ABCC8: variants seen among roughly 807,000 people sequenced by gnomAD.
ABCC8 encodes ATP binding cassette subfamily C member 8.
ABCC8 carries 137 observed loss-of-function variants against 188.0 expected under a neutral mutation model. The observed-to-expected ratio is 0.73, with a 90% confidence interval of 0.63 to 0.84. ABCC8 has a LOEUF of 0.84. ABCC8 is among the 40% of genes least tolerant of loss of function. ABCC8 has a pLI of 0.00. For missense variants in ABCC8, 1,750 were observed against 2,072.7 expected (o/e 0.84, Z 3.02); for synonymous variants, 797 against 846.5 (o/e 0.94, Z 1.01).
chr11:17,413,305 C>T lies in ABCC8; in HGVS notation c.2475+89G>A. On this transcript the variant is annotated intron_variant, in intron 20 of 38. Transcript: ENST00000389817. ...TTCAGCCTTCAATGTCTCCTATTTC[C>T]TAGTTACCCATTGTCCTGAGTAGTG... 3 of 1,555,662 alleles carry T rather than the reference C, an allele frequency of 1.9e-6. No individual in the cohort carries two copies. In the South Asian group the frequency reaches 3.3e-5, roughly 17 times the overall value.
chr11:17,392,565 A>G (rs1443661757), downstream of ABCC8: 2 of 318,216 alleles, frequency 6.3e-6, no homozygotes, highest in African/African-American at 2.2e-5. Flanking sequence ...ATGCATGTGC[A>G]CAGAGTAAAG....
rs756601311 is a variant in ABCC8 at position 17,404,542 on chromosome 11, A to T, written c.3527T>A (p.Phe1176Tyr). ...CGCCACCCGGAAGTACTTCTGGATGAAGTAGCACACGATGGCCAGGGGCAA... is the reference window on the plus strand; with the variant it reads ...CGCCACCCGGAAGTACTTCTGGATGTAGTAGCACACGATGGCCAGGGGCAA... The part of the protein sequence containing the change: ...ALLPLAIVCY[F>Y]IQKYFRVASR... The change falls in exon 28 of 39, where the codon TTC becomes TAC. Residue 1176 changes from phenylalanine (F) to tyrosine (Y), a missense_variant. Transcript: ENST00000389817. The surrounding 1 kb of genome is among the most constrained non-coding windows in gnomAD (Gnocchi z 4.7). The T allele has an allele frequency of 1.9e-6, 3 of 1,614,002 alleles. No homozygotes were observed. Among genetic ancestry groups the T allele is most frequent in the Admixed American group, 1.7e-5 (1 of 59,992 alleles).
chr11:17,399,967 G>A (rs1954152300), intron 29 of ABCC8, among the ~76,000 whole-genome samples: 1 of 152,194 alleles, frequency 6.6e-6, no homozygotes, highest in Admixed American at 6.5e-5. Context: ...CCTTGCTGAC[G>A]TAGGCCCGGC....
At chr11:17,434,981 T>TTG (rs1956012219) in intron 10 of ABCC8, among the ~76,000 whole-genome samples, 1 of 127,774 alleles carries the variant, frequency 7.8e-6, no homozygotes, top group Admixed American at 7.8e-5. Context: ...CTGCGTGTGT[T>TTG]CGCGTGTGTG....
chr11:17,394,184 G>A, intron 37 of ABCC8, 82 bp downstream of exon 37: 1 of 1,539,008 alleles, frequency 6.5e-7, no homozygotes, highest in South Asian at 1.1e-5. Context: ...TGAGCCTCAG[G>A]ACTACTTCGT....
Position 17,460,668 on chromosome 11 carries a change from G to A in ABCC8, c.831C>T (p.Asp277=), listed in dbSNP as rs1353204592. 1 of 1,608,626 alleles carries A rather than the reference G, an allele frequency of 6.2e-7. No individual in the cohort carries two copies. The highest frequency in any genetic ancestry group is 8.5e-7 in the Non-Finnish European group (1 of 1,180,000). The change falls in exon 6 of 39, where the codon GAC becomes GAT. Residue 277 remains aspartate, a synonymous_variant. Transcript: ENST00000389817. ...CEAFDAQVRK[D]IQGTQGARAI... is the part of the protein sequence containing the mutation. ...CCCGGGCACCTTGAGTGCCCTGAAT[G>A]TCCTTCCGCTGCCCAGAGAGACCAT...
At chr11:17,452,767 C>A (rs983606859) in intron 7 of ABCC8, among the ~76,000 whole-genome samples, 11 of 152,204 alleles carry the variant, frequency 7.2e-5, no homozygotes, top group African/African-American at 2.7e-4. Context: ...TCTGGAACAG[C>A]CACTTAGAGA....
intron 29 of ABCC8, chr11:17,398,861 A>G (rs776905943): frequency 1.8e-4 from 51 of 278,592 alleles, no homozygotes; most frequent in Non-Finnish European, 3.1e-4. Flanking sequence ...GGACTACTGC[A>G]TCAGCTTCCT....
At chr11:17,448,325 A>G in intron 8 of ABCC8, 191 bp downstream of exon 8, 1 of 624,194 alleles carries the variant, frequency 1.6e-6, no homozygotes, top group Non-Finnish European at 2.9e-6. Context: ...TCATTAAGAG[A>G]GATGGTCAGT....
chr11:17,405,210 T>C (rs1954456667), intron 27 of ABCC8, among the ~76,000 whole-genome samples: 1 of 152,250 alleles, frequency 6.6e-6, no homozygotes, highest in Non-Finnish European at 1.5e-5. Flanking sequence ...ATATTCTCCA[T>C]ACAATCAGCC....
chr11:17,423,085 G>T (rs1033223215), intron 16 of ABCC8, among the ~76,000 whole-genome samples: 2 of 152,038 alleles, frequency 1.3e-5, no homozygotes, highest in African/African-American at 4.8e-5. Context: ...CCGGCCAGGG[G>T]TGGTGGCTCA....
At chr11:17,430,690 C>A (rs1955805389) in intron 12 of ABCC8, 124 bp downstream of exon 12, 2 of 1,165,982 alleles carry the variant, frequency 1.7e-6, no homozygotes, top group South Asian at 1.2e-5. Context: ...CCAGCTACAG[C>A]AAGGCCCAGC....
In ABCC8 at chr11:17,415,328, T is replaced by C. The variant is rs766784319; in HGVS notation, c.2267A>G (p.Glu756Gly). 1 of 1,610,762 alleles carries C rather than the reference T, an allele frequency of 6.2e-7. No individual in the cohort carries two copies. Among genetic ancestry groups the C allele is most frequent in the Non-Finnish European group, 8.5e-7 (1 of 1,179,086 alleles). Residue 756 changes from glutamate (E) to glycine (G), a missense_variant, in exon 18 of 39, where the codon GAG (glutamate) becomes GGG (glycine). Transcript: ENST00000389817. ...EIGEDPSPER[E>G]TATDLDIRKR... ...CCTGATATCCAAGTCGGTCGCTGTC[T>C]CCCGCTCTGGGCTGCAGCAGGGGAG...
intron 16 of ABCC8, among the ~76,000 whole-genome samples, chr11:17,420,467 C>A (rs536225705): frequency 7.6e-4 from 116 of 152,310 alleles, no homozygotes; most frequent in African/African-American, 2.8e-3. Flanking sequence ...TGTCTCACCA[C>A]ACCTGCCTCC....
chr11:17,407,306 T>A (rs1264418287), intron 24 of ABCC8, 48 bp downstream of exon 24: 1 of 1,614,010 alleles, frequency 6.2e-7, no homozygotes, highest in Non-Finnish European at 8.5e-7. Flanking sequence ...TCTCTGTGGC[T>A]GATCAGACCT....
At chr11:17,397,513 G>A (rs991073152) in intron 31 of ABCC8, 171 bp downstream of exon 31, 3 of 1,414,466 alleles carry the variant, frequency 2.1e-6, no homozygotes, top group East Asian at 2.5e-5. Flanking sequence ...CCTGTCTGGG[G>A]CCTGGGCCCT....
At chr11:17,407,303 G>T (rs750708042) in intron 24 of ABCC8, 51 bp downstream of exon 24, 126 of 1,613,700 alleles carry the variant, frequency 7.8e-5, no homozygotes, top group Non-Finnish European at 1.0e-4. Flanking sequence ...GCCTCTCTGT[G>T]GCTGATCAGA....
In ABCC8 at chr11:17,410,729, C is replaced by T. The variant is rs946658299; in HGVS notation, c.2557-76G>A. On this transcript the variant is annotated intron_variant, in intron 21 of 38. Coordinates refer to ENST00000389817, the MANE Select transcript of ABCC8 (RefSeq NM_000352.6). The stretch of plus-strand genomic sequence containing the variant: ...GGAGGGGTGACAATGAGTATAAAAC[C>T]CATTAGAGTTCTATCAACTCTGCTC... 3.1e-5 allele frequency: 50 copies of T among 1,594,170 alleles called. No individual in the cohort carries two copies. In the Admixed American group the frequency reaches 8.1e-4, roughly 26 times the overall value.
chr11:17,463,651 G>C (rs1407380022), intron 3 of ABCC8, 47 bp from the exon 4 acceptor site: 1 of 1,553,166 alleles, frequency 6.4e-7, no homozygotes, highest in Non-Finnish European at 8.7e-7. Context: ...TGCATCATGT[G>C]TGTACACTCA....
Sources: gnomAD v4.1 joint callset for allele counts (sites outside exome capture counted in the v4.1 genomes callset) on GRCh38, gnomAD v4.1.1 for gene constraint, Gnocchi (gnomAD v3.1) non-coding constraint, MANE v1.5 for transcripts, NCBI Gene and HGNC (gene_info 2026-07-23, HGNC 2026-07-21) for gene names.